SLC16A14: variants seen among roughly 807,000 people sequenced by gnomAD.
The protein encoded by SLC16A14 is solute carrier family 16 member 14.
Under a neutral mutation model 35.8 loss-of-function variants are expected in SLC16A14, and 14 were observed. That is an observed-to-expected ratio of 0.39 (90% CI 0.26 to 0.61). SLC16A14 has a LOEUF of 0.61. Ranked by LOEUF, SLC16A14 falls within the 20% of genes least tolerant of loss-of-function variation. The pLI, the probability that SLC16A14 is intolerant of heterozygous loss-of-function variation, is 0.51. For synonymous variants in SLC16A14, 248 were observed against 258.9 expected (o/e 0.96, Z 0.40); for missense variants, 533 against 655.0 (o/e 0.81, Z 2.03).
chr2:230,052,615 G>A (rs1048988287), intron 2 of SLC16A14, among the ~76,000 whole-genome samples: 15 of 97,288 alleles, frequency 1.5e-4, no homozygotes, highest in African/African-American at 4.2e-4. Context: ...TTAAAAAGGC[G>A]TTTGAGAAAA....
chr2:230,052,909 C>T (rs530852358), intron 2 of SLC16A14, among the ~76,000 whole-genome samples: 1 of 150,274 alleles, frequency 6.7e-6, no homozygotes, highest in South Asian at 2.1e-4. Flanking sequence ...CCTCCCTCCT[C>T]CCCCCCTTCC....
intron 4 of SLC16A14, among the ~76,000 whole-genome samples, chr2:230,044,456 T>G (rs2077584577): frequency 7.3e-6 from 1 of 136,516 alleles, no homozygotes; most frequent in African/African-American, 2.8e-5. Flanking sequence ...CCAGCTTGGG[T>G]GACAGAGGGA....
chr2:230,044,346 C>A (rs183056273), intron 4 of SLC16A14, among the ~76,000 whole-genome samples: 1 of 151,310 alleles, frequency 6.6e-6, no homozygotes, highest in East Asian at 1.9e-4. Context: ...GGCATGGTGG[C>A]GCACACCTGT....
At chr2:230,066,730 G>A (rs770001866) in intron 1 of SLC16A14, 23 of 392,592 alleles carry the variant, frequency 5.9e-5, no homozygotes, top group South Asian at 4.2e-4. Flanking sequence ...CGCCTCCCGA[G>A]TTCAAGCGAT....
chr2:230,058,921 C>T, intron 2 of SLC16A14, 173 bp downstream of exon 2: 2 of 874,594 alleles, frequency 2.3e-6, no homozygotes, highest in South Asian at 5.3e-5. Flanking sequence ...GTGTGAGTCA[C>T]CGTGCCTGGC....
chr2:230,058,000 G>A (rs1324315226), intron 2 of SLC16A14, among the ~76,000 whole-genome samples: 1 of 150,664 alleles, frequency 6.6e-6, no homozygotes, highest in African/African-American at 2.5e-5. Flanking sequence ...CTGTGCTCCA[G>A]CCTGGGAGAC....
chr2:230,056,354 A>C (rs1013316723), intron 2 of SLC16A14, among the ~76,000 whole-genome samples: 19 of 149,734 alleles, frequency 1.3e-4, no homozygotes, highest in Non-Finnish European at 4.4e-5. Context: ...TCCTGGGTTC[A>C]AGCAATTCTC....
In SLC16A14 at chr2:230,059,360, G is replaced by T. The variant is rs1222127008; in HGVS notation, c.-8C>A. The T allele has an allele frequency of 1.3e-6, 2 of 1,545,498 alleles. No homozygotes were observed. Among genetic ancestry groups the T allele is most frequent in the East Asian group, 2.3e-5 (1 of 43,760 alleles). On this transcript the variant is annotated 5_prime_UTR_variant, in exon 2 of 5. Transcript: ENST00000295190. ...TTCATGACTGGTATACATTTTCCAA[G>T]ATTTTTCTGAAATACATATAACAAA...
intron 1 of SLC16A14, chr2:230,067,956 C>G (rs1279872842): frequency 6.6e-6 from 1 of 152,174 alleles, no homozygotes; most frequent in Non-Finnish European, 1.5e-5. Flanking sequence ...TGCTCCCGCT[C>G]CCTTGGCACC....
chr2:230,061,126 G>A (rs943262973), intron 1 of SLC16A14, among the ~76,000 whole-genome samples: 1 of 152,212 alleles, frequency 6.6e-6, no homozygotes, highest in Non-Finnish European at 1.5e-5. Flanking sequence ...GGAGCACTCT[G>A]CCCCGGAGCT....
chr2:230,046,662 T>C lies in SLC16A14; in HGVS notation c.464A>G (p.Lys155Arg). 1 of 1,604,710 alleles carries C rather than the reference T, an allele frequency of 6.2e-7. No homozygotes were observed. The highest frequency in any genetic ancestry group is 8.5e-7 in the Non-Finnish European group (1 of 1,179,990). ...GAGGCCCTGGGCGAGGGCGCGTCTCTTCTGGAAATACCTGCCCACCATGAC... is the reference window on the plus strand; with the variant it reads ...GAGGCCCTGGGCGAGGGCGCGTCTCCTCTGGAAATACCTGCCCACCATGAC... Reference protein sequence around the residue: ...AVVMVGRYFQKRRALAQGLST... With the variant: ...AVVMVGRYFQRRRALAQGLST... Residue 155 changes from lysine (K) to arginine (R), a missense_variant, in exon 4 of 5, where the codon AAG becomes AGG. By Grantham distance (26) the Lys-to-Arg change is conservative. Transcript: ENST00000295190. This position sits in a 1 kb window ranked among gnomAD's most constrained non-coding sequence, Gnocchi z 5.0.
Position 230,038,169 on chromosome 2 carries a change from ATTATG to A in SLC16A14, c.1382-643_1382-639del, listed in dbSNP as rs2077533266. Among the ~76,000 whole-genome samples the A allele has an allele frequency of 6.6e-6, 1 of 152,228 alleles. No homozygotes were observed. The highest frequency in any genetic ancestry group is 1.5e-5 in the Non-Finnish European group (1 of 68,046). Reference sequence around the variant, plus strand: ...AGATACTGCCATAGATGCTGACTAAATTATGTTATTTTCAAATAATAATTTAATAT... The same window carrying A: ...AGATACTGCCATAGATGCTGACTAAATTATTTTCAAATAATAATTTAATAT... On this transcript the variant is annotated intron_variant, in intron 4 of 4. Transcript: ENST00000295190. This position sits in a 1 kb window ranked among gnomAD's most constrained non-coding sequence, Gnocchi z 4.4.
chr2:230,049,558 T>G (rs1349826572), intron 3 of SLC16A14, among the ~76,000 whole-genome samples: 1 of 152,178 alleles, frequency 6.6e-6, no homozygotes, highest in Non-Finnish European at 1.5e-5. Context: ...GTTTTGCTGT[T>G]AGGTGGGCTC....
rs549991480 is a variant in SLC16A14, at chr2:230,050,774, C to A, written c.260-870G>T. Among the ~76,000 whole-genome samples, 5 of 152,286 alleles carry A rather than the reference C, an allele frequency of 3.3e-5. No homozygotes were observed. The South Asian group carries it at 1.0e-3, about 32-fold the overall frequency. On this transcript the variant is annotated intron_variant, in intron 2 of 4. Coordinates refer to ENST00000295190, the MANE Select transcript of SLC16A14 (RefSeq NM_152527.5). ...CATTTACTGAGCACTTTGCTAAGTG[C>A]TTTATACAAATTATGTCATTTAATG...
intron 4 of SLC16A14, among the ~76,000 whole-genome samples, chr2:230,040,527 C>CATT (rs1294463994): frequency 6.6e-6 from 1 of 152,042 alleles, no homozygotes; most frequent in Non-Finnish European, 1.5e-5. Flanking sequence ...CGGCCAAATT[C>CATT]ATTATTATTA....
intron 2 of SLC16A14, among the ~76,000 whole-genome samples, chr2:230,052,200 G>T (rs2077667093): frequency 6.6e-6 from 1 of 152,134 alleles, no homozygotes; most frequent in Non-Finnish European, 1.5e-5. Flanking sequence ...CTCCCAAAGT[G>T]CTGGGATTAC....
intron 2 of SLC16A14, among the ~76,000 whole-genome samples, chr2:230,056,380 G>A (rs973984700): frequency 1.3e-5 from 2 of 150,330 alleles, no homozygotes; most frequent in Admixed American, 1.3e-4. Flanking sequence ...TCAGCCTCCC[G>A]AGTAGCTGGG....
intron 1 of SLC16A14, among the ~76,000 whole-genome samples, chr2:230,063,488 GA>G (rs1201615096): frequency 6.6e-6 from 1 of 151,872 alleles, no homozygotes; most frequent in Non-Finnish European, 1.5e-5. Context: ...CTGAAACAGT[GA>G]AAAAAGACCC....
chr2:230,067,097 A>C (rs1480256403), intron 1 of SLC16A14: 5 of 163,124 alleles, frequency 3.1e-5, no homozygotes, highest in Admixed American at 2.9e-4. Flanking sequence ...TGCGGGCTTC[A>C]CCTTTAATTC....
Sources: allele counts gnomAD v4.1 joint callset (sites outside exome capture counted in the v4.1 genomes callset), GRCh38; gene constraint gnomAD v4.1.1; non-coding constraint Gnocchi (gnomAD v3.1); transcripts MANE v1.5; gene names NCBI Gene and HGNC (gene_info 2026-07-23, HGNC 2026-07-21).